Variants in SYNRG observed in about 807,000 individuals in gnomAD.
SYNRG encodes synergin gamma.
SYNRG carries 37 observed loss-of-function variants against 130.9 expected under a neutral mutation model. The observed-to-expected ratio is 0.28, with a 90% CI of 0.22 to 0.37. The LOEUF (loss-of-function observed/expected upper bound fraction) is 0.37. Among genes scored for constraint, SYNRG ranks in the 10% least tolerant of loss-of-function variants. The pLI, the probability that SYNRG is intolerant of heterozygous loss-of-function variation, is 1.00. For synonymous variants in SYNRG, 539 were observed against 568.1 expected (o/e 0.95, Z 0.73); for missense variants, 1,338 against 1,588.9 (o/e 0.84, Z 2.68).
chr17:37,545,368 C>A (rs1422057811), intron 14 of SYNRG, among the ~76,000 whole-genome samples: 1 of 152,082 alleles, frequency 6.6e-6, no homozygotes, highest in African/African-American at 2.4e-5. Context: ...TGCACTCCAG[C>A]CTGGCGACAG....
chr17:37,529,364 G>A (rs961913461), intron 19 of SYNRG, among the ~76,000 whole-genome samples: 5 of 152,026 alleles, frequency 3.3e-5, no homozygotes, highest in African/African-American at 1.2e-4. Context: ...TCACACCAGG[G>A]ATTATATCTG....
At chr17:37,599,784 C>T (rs2063106292) in intron 2 of SYNRG, among the ~76,000 whole-genome samples, 1 of 152,146 alleles carries the variant, frequency 6.6e-6, no homozygotes, top group Non-Finnish European at 1.5e-5. Flanking sequence ...CTGAATCAGA[C>T]TATGTGATCT....
intron 14 of SYNRG, among the ~76,000 whole-genome samples, chr17:37,547,457 TTGC>T (rs1207921120): frequency 3.3e-5 from 5 of 151,232 alleles, no homozygotes; most frequent in Admixed American, 2.6e-4. Context: ...TCATGTTCAT[TTGC>T]TGCTTTTTTT....
Position 37,514,977 on chromosome 17 carries a change from C to T in SYNRG, c.*3963G>A, listed in dbSNP as rs947590780. ...ACCACACCATCTTTTAAAATACAGG[C>T]GCGAATTCCACATCACGCAGAAGAC... On this transcript the variant is annotated 3_prime_UTR_variant, in exon 22 of 22. Transcript: ENST00000612223. The T allele has an allele frequency of 2.6e-5, 4 of 152,074 alleles. No individual in the cohort carries two copies. Among genetic ancestry groups the T allele is most frequent in the African/African-American group, 7.2e-5 (3 of 41,416 alleles). The allele number at this position is 152,074 out of a possible 1,614,324, so 9.4% of individuals were successfully genotyped here. A position where few individuals can be genotyped will look rare whatever the true frequency, so the allele number is the denominator to read the frequency against.
chr17:37,555,799 G>A (rs1370780687), intron 13 of SYNRG, among the ~76,000 whole-genome samples: 2 of 152,044 alleles, frequency 1.3e-5, no homozygotes, highest in African/African-American at 4.8e-5. Flanking sequence ...CCAGCTACTC[G>A]GGAGGCTGAG....
At chr17:37,591,346 C>T (rs2062173498) in intron 3 of SYNRG, among the ~76,000 whole-genome samples, 2 of 152,084 alleles carry the variant, frequency 1.3e-5, no homozygotes, top group Non-Finnish European at 2.9e-5. Flanking sequence ...AAGATCTAAA[C>T]AAATGAAAAG....
At chr17:37,561,983 T>C (rs367931704) in intron 11 of SYNRG, among the ~76,000 whole-genome samples, 15 of 152,080 alleles carry the variant, frequency 9.9e-5, no homozygotes, top group African/African-American at 2.9e-4. Context: ...GTTCCACATA[T>C]GTATACTCAA....
Position 37,540,427 on chromosome 17 carries a change from G to A in SYNRG, c.3319C>T (p.Leu1107=), listed in dbSNP as rs1167999364. Residue 1107 remains leucine (L), a synonymous_variant, in exon 16 of 22, where the codon CTG becomes TTG. Transcript: ENST00000612223. ...RSNTLNEKPA[L]PVIRDKYKDL... ...TTGTACTTGTCTCGGATGACGGGCA[G>A]GGCGGGCTTCTCATTCAGAGTATTG... The A allele has an allele frequency of 6.2e-7, 1 of 1,613,904 alleles. No individual in the cohort carries two copies. Among genetic ancestry groups the A allele is most frequent in the East Asian group, 2.2e-5 (1 of 44,880 alleles).
intron 3 of SYNRG, among the ~76,000 whole-genome samples, chr17:37,591,917 C>T (rs1224448422): frequency 6.6e-6 from 1 of 152,000 alleles, no homozygotes; most frequent in Non-Finnish European, 1.5e-5. Flanking sequence ...AGAGTTATAC[C>T]AATGCATGAT....
intron 19 of SYNRG, among the ~76,000 whole-genome samples, chr17:37,535,505 C>T (rs2057103145): frequency 6.6e-6 from 1 of 152,068 alleles, no homozygotes; most frequent in Non-Finnish European, 1.5e-5. Flanking sequence ...TACATCCCCA[C>T]AAAGGAACAG....
At chr17:37,597,438 A>G (rs1447818289) in intron 2 of SYNRG, among the ~76,000 whole-genome samples, 1 of 152,252 alleles carries the variant, frequency 6.6e-6, no homozygotes, top group Non-Finnish European at 1.5e-5. Context: ...AACAGTTAGG[A>G]GCATGAACTC....
At chr17:37,596,143 G>T in intron 3 of SYNRG, 80 bp downstream of exon 3, 1 of 1,471,254 alleles carries the variant, frequency 6.8e-7, no homozygotes, top group Non-Finnish European at 9.3e-7. Flanking sequence ...GTAACATTAA[G>T]CTCTTAGCCT....
At chr17:37,596,129 A>T in intron 3 of SYNRG, 94 bp downstream of exon 3, 1 of 1,388,688 alleles carries the variant, frequency 7.2e-7, no homozygotes, top group Non-Finnish European at 9.9e-7. Context: ...GCTTATTTCT[A>T]ATTGTAACAT....
At chr17:37,605,888 T>G in intron 1 of SYNRG, 5 of 985,476 alleles carry the variant, frequency 5.1e-6, no homozygotes, top group Non-Finnish European at 6.0e-6. Flanking sequence ...TAGGCTTCAC[T>G]TCTTAGGCCT....
chr17:37,553,620 A>G lies in SYNRG; in HGVS notation c.2103T>C (p.Ser701=). 6.2e-7 allele frequency: 1 copy of G among 1,614,126 alleles called. No homozygotes were observed. The highest frequency in any genetic ancestry group is 8.5e-7 in the Non-Finnish European group (1 of 1,180,010). The change falls in exon 14 of 22, where the codon TCT becomes TCC. Residue 701 remains serine (S), a synonymous_variant. Coordinates refer to ENST00000612223, the MANE Select transcript of SYNRG (RefSeq NM_007247.6). ...FADFMAFSNS[S]ISSEQKPDDK... is the part of the protein sequence containing the mutation. ...CATCCGGCTTTTGCTCAGATGAAAT[A>G]GAGCTATTACTGAAAGCCATAAAAT... is the stretch of plus-strand genomic sequence containing the variant.
At chr17:37,533,588 CTTTTTTT>C (rs533546189) in intron 19 of SYNRG, among the ~76,000 whole-genome samples, 5 of 135,384 alleles carry the variant, frequency 3.7e-5, no homozygotes, top group South Asian at 2.4e-4. Flanking sequence ...TTTTCTTTTT[CTTTTTTT>C]TTTTTTTTTG....
intron 19 of SYNRG, among the ~76,000 whole-genome samples, chr17:37,528,755 G>A (rs930766403): frequency 1.3e-5 from 2 of 152,138 alleles, no homozygotes; most frequent in Admixed American, 6.6e-5. Flanking sequence ...TAGAGTAAAG[G>A]CTTCTTCATG....
At chr17:37,528,229 G>A (rs2056189652) in intron 19 of SYNRG, among the ~76,000 whole-genome samples, 1 of 152,016 alleles carries the variant, frequency 6.6e-6, no homozygotes, top group South Asian at 2.1e-4. Flanking sequence ...GCACTTCTTG[G>A]CTCGTGGTCC....
At position 37,553,269 on chromosome 17, in the gene SYNRG, A is replaced by G; in HGVS notation, c.2454T>C (p.Ile818=). ...CCTCCTTGCCAACACTGCTGCCACCAATGGAAGGGAGATCTAAGGACTTCA... is the reference window on the plus strand; with the variant it reads ...CCTCCTTGCCAACACTGCTGCCACCGATGGAAGGGAGATCTAAGGACTTCA... ...ASVKSLDLPS[I]GGSSVGKEDS... is the part of the protein sequence containing the mutation. Residue 818 remains isoleucine (I), a synonymous_variant, in exon 14 of 22, where the codon ATT becomes ATC. Transcript: ENST00000612223. 1 of 1,613,782 alleles carries G rather than the reference A, an allele frequency of 6.2e-7. No homozygotes were observed. The highest frequency in any genetic ancestry group is 1.7e-5 in the Admixed American group (1 of 59,876).
Sources: gnomAD v4.1 joint callset for allele counts (sites outside exome capture counted in the v4.1 genomes callset) on GRCh38, gnomAD v4.1.1 for gene constraint, MANE v1.5 for transcripts, NCBI Gene and HGNC (gene_info 2026-07-23, HGNC 2026-07-21) for gene names.